Variants in CDH9 observed in about 807,000 individuals in gnomAD.
CDH9 encodes cadherin-9.
Under a neutral mutation model 70.9 loss-of-function variants are expected in CDH9, and 28 were observed. The ratio of observed to expected loss-of-function variants is 0.40; its 90% CI spans 0.29 to 0.54. The LOEUF is 0.54. Ranked by LOEUF, CDH9 falls within the 20% of genes least tolerant of loss-of-function variation. The probability of loss-of-function intolerance (pLI) is 0.59; values close to 1 mark genes in which losing one functional copy is unlikely to be tolerated. For synonymous variants in CDH9, 409 were observed against 343.1 expected (o/e 1.19, Z -2.12); for missense variants, 874 against 984.4 (o/e 0.89, Z 1.50).
intron 1 of CDH9, among the ~76,000 whole-genome samples, chr5:27,035,188 T>C (rs1009041701): frequency 6.7e-6 from 1 of 148,654 alleles, no homozygotes; most frequent in Admixed American, 6.8e-5. Context: ...TATATATATA[T>C]ATATTTAACT....
At chr5:26,938,737 G>A (rs1398859118) in intron 2 of CDH9, among the ~76,000 whole-genome samples, 1 of 151,608 alleles carries the variant, frequency 6.6e-6, no homozygotes, top group African/African-American at 2.4e-5. Flanking sequence ...AACAAATTGG[G>A]GTATATTCAT....
intron 2 of CDH9, among the ~76,000 whole-genome samples, chr5:26,960,381 T>A (rs557527649): frequency 1.3e-5 from 2 of 152,128 alleles, no homozygotes; most frequent in East Asian, 3.9e-4. Context: ...TTAGACAACA[T>A]AAAACTTTCC....
chr5:26,943,462 G>T (rs1364961890), intron 2 of CDH9, among the ~76,000 whole-genome samples: 1 of 149,350 alleles, frequency 6.7e-6, no homozygotes, highest in East Asian at 2.0e-4. Context: ...TTGGTGAGCT[G>T]AGATCACGCC....
intron 7 of CDH9, 198 bp from the exon 8 acceptor site, chr5:26,890,762 T>C (rs898012490): frequency 1.5e-5 from 8 of 532,542 alleles, no homozygotes; most frequent in Admixed American, 9.7e-5. Context: ...CTTACTATAT[T>C]ATCCTATGTG....
intron 1 of CDH9, among the ~76,000 whole-genome samples, chr5:27,037,420 G>T (rs182885157): frequency 5.5e-4 from 84 of 151,992 alleles, no homozygotes; most frequent in Non-Finnish European, 9.0e-4. Context: ...AAAAGTTGAT[G>T]ATACAAATAA....
chr5:26,917,117 T>G (rs1442525836), intron 2 of CDH9, among the ~76,000 whole-genome samples: 2 of 151,976 alleles, frequency 1.3e-5, no homozygotes, highest in Non-Finnish European at 2.9e-5. Context: ...TGAAAATAAT[T>G]TTTTAAAATT....
At chr5:26,973,382 C>T (rs1187063248) in intron 2 of CDH9, among the ~76,000 whole-genome samples, 9 of 152,080 alleles carry the variant, frequency 5.9e-5, no homozygotes, top group African/African-American at 2.2e-4. Flanking sequence ...ATTGCATGAA[C>T]GTATCATTTT....
chr5:27,008,011 T>C (rs934970150), intron 1 of CDH9, among the ~76,000 whole-genome samples: 3 of 152,118 alleles, frequency 2.0e-5, no homozygotes, highest in Non-Finnish European at 2.9e-5. Flanking sequence ...TAATTTTACA[T>C]AGACGTTATA....
intron 2 of CDH9, among the ~76,000 whole-genome samples, chr5:26,969,473 G>A (rs1316762027): frequency 2.6e-5 from 4 of 152,046 alleles, no homozygotes; most frequent in Non-Finnish European, 5.9e-5. Flanking sequence ...ATCAGAAAAC[G>A]ATGATGATCA....
At chr5:27,010,040 C>T (rs1252906993) in intron 1 of CDH9, among the ~76,000 whole-genome samples, 5 of 152,038 alleles carry the variant, frequency 3.3e-5, no homozygotes, top group Admixed American at 1.3e-4. Flanking sequence ...CTTATATAAT[C>T]ATTCAGAAGT....
chr5:26,998,122 G>A (rs1165527934), intron 1 of CDH9, among the ~76,000 whole-genome samples: 1 of 152,158 alleles, frequency 6.6e-6, no homozygotes, highest in Non-Finnish European at 1.5e-5. Context: ...CAGCATATAA[G>A]CATAAGTCCA....
chr5:26,905,062 C>T (rs548122957), intron 5 of CDH9, among the ~76,000 whole-genome samples: 5 of 152,026 alleles, frequency 3.3e-5, no homozygotes, highest in African/African-American at 1.2e-4. Flanking sequence ...AATATGTCCA[C>T]CAATCAAAGA....
chr5:27,014,576 T>C (rs1289307281), intron 1 of CDH9, among the ~76,000 whole-genome samples: 1 of 151,932 alleles, frequency 6.6e-6, no homozygotes, highest in African/African-American at 2.4e-5. Flanking sequence ...CTAAAAACTA[T>C]CTATGATAGA....
At chr5:26,932,050 A>C in intron 2 of CDH9, among the ~76,000 whole-genome samples, 1 of 152,154 alleles carries the variant, frequency 6.6e-6, no homozygotes, top group Admixed American at 6.6e-5. Flanking sequence ...TAGATAAAAT[A>C]TTTGTATTTT....
At chr5:27,004,828 AT>A (rs1367834151) in intron 1 of CDH9, among the ~76,000 whole-genome samples, 2 of 152,292 alleles carry the variant, frequency 1.3e-5, no homozygotes, top group East Asian at 3.9e-4. Context: ...TCAAACATGC[AT>A]TTGGATAATG....
At chr5:26,968,997 C>T (rs1742174005) in intron 2 of CDH9, among the ~76,000 whole-genome samples, 1 of 152,060 alleles carries the variant, frequency 6.6e-6, no homozygotes, top group East Asian at 1.9e-4. Context: ...TGACGTTTGC[C>T]CTCCTAAAAC....
intron 1 of CDH9, among the ~76,000 whole-genome samples, chr5:27,017,146 T>A (rs1297667144): frequency 6.6e-6 from 1 of 151,900 alleles, no homozygotes; most frequent in Non-Finnish European, 1.5e-5. Flanking sequence ...TCAAAAAATA[T>A]TATTTCATTC....
chr5:26,939,412 T>A (rs971006036), intron 2 of CDH9, among the ~76,000 whole-genome samples: 1 of 151,628 alleles, frequency 6.6e-6, no homozygotes, highest in African/African-American at 2.4e-5. Flanking sequence ...AAATATTTAT[T>A]TTAACTGGTT....
chr5:27,022,824 G>T (rs2112127184), intron 1 of CDH9, among the ~76,000 whole-genome samples: 1 of 152,182 alleles, frequency 6.6e-6, no homozygotes, highest in East Asian at 1.9e-4. Context: ...TGCTAAACCG[G>T]TCACCAACAC....
Sources: gnomAD v4.1 joint callset for allele counts (sites outside exome capture counted in the v4.1 genomes callset) on GRCh38, gnomAD v4.1.1 for gene constraint, MANE v1.5 for transcripts, NCBI Gene and HGNC (gene_info 2026-07-23, HGNC 2026-07-21) for gene names.